Variants in CDH12 observed in about 807,000 individuals in gnomAD.
CDH12 encodes cadherin-12.
Under a neutral mutation model 74.1 loss-of-function variants are expected in CDH12, and 41 were observed. The observed-to-expected ratio is 0.55, with a 90% CI of 0.43 to 0.72. The LOEUF (loss-of-function observed/expected upper bound fraction) is 0.72, where lower values mean the gene tolerates loss of function less well. CDH12 is among the 30% of genes least tolerant of loss of function. The probability of loss-of-function intolerance (pLI) is 0.00; values close to 1 mark genes in which losing one functional copy is unlikely to be tolerated. For missense variants in CDH12, 945 were observed against 977.2 expected (o/e 0.97, Z 0.44); for synonymous variants, 399 against 355.0 (o/e 1.12, Z -1.39).
At chr5:21,991,916 CATAAAT>C (rs1318353327) in intron 5 of CDH12, among the ~76,000 whole-genome samples, 1 of 151,938 alleles carries the variant, frequency 6.6e-6, no homozygotes, top group Non-Finnish European at 1.5e-5. Flanking sequence ...GTAATAGTAT[CATAAAT>C]ATTATCTTAT....
At chr5:22,405,384 T>C (rs1742899180) in intron 2 of CDH12, 33 bp from the exon 3 acceptor site, 1 of 515,056 alleles carries the variant, frequency 1.9e-6, no homozygotes. Flanking sequence ...GCTTTAAGAA[T>C]ATGCAAGACT....
At chr5:22,299,255 G>A (rs900240197) in intron 3 of CDH12, among the ~76,000 whole-genome samples, 1 of 152,056 alleles carries the variant, frequency 6.6e-6, no homozygotes, top group Non-Finnish European at 1.5e-5. Context: ...GATGGGGTGG[G>A]GTTGGAGAGA....
At chr5:22,563,008 A>T (rs1402202995) in intron 1 of CDH12, among the ~76,000 whole-genome samples, 1 of 147,150 alleles carries the variant, frequency 6.8e-6, no homozygotes, top group African/African-American at 2.5e-5. Flanking sequence ...ATATGCAAAT[A>T]TATATTTCTA....
intron 3 of CDH12, among the ~76,000 whole-genome samples, chr5:22,245,278 C>T (rs897672290): frequency 6.6e-6 from 1 of 151,998 alleles, no homozygotes; most frequent in Non-Finnish European, 1.5e-5. Context: ...TTTGGGAGAA[C>T]ATTTTTCAAA....
rs146713368 is a variant in CDH12, at chr5:22,580,778, C to T, written c.-522-75414G>A. The stretch of plus-strand genomic sequence containing the variant: ...TTATTGGATAGCATCCTCTCCATTT[C>T]GAGGTTGTTTTCTCCCATTAACAAC... On this transcript the variant is annotated intron_variant, in intron 1 of 14. Transcript: ENST00000382254. The T allele has an allele frequency of 2.6e-3, 679 of 257,092 alleles. 3 individuals are homozygous for T. The highest frequency in any genetic ancestry group is 4.1e-3 in the Non-Finnish European group (511 of 125,288). The allele number at this position is 257,092 out of a possible 1,614,324, so 15.9% of individuals were successfully genotyped here.
intron 8 of CDH12, among the ~76,000 whole-genome samples, chr5:21,824,209 T>G (rs1277508009): frequency 6.6e-6 from 1 of 151,960 alleles, no homozygotes; most frequent in Non-Finnish European, 1.5e-5. Context: ...AATTTTTAAT[T>G]TTTTTTTCAT....
chr5:22,752,242 A>AT (rs1304669196), intron 1 of CDH12, among the ~76,000 whole-genome samples: 5 of 152,252 alleles, frequency 3.3e-5, no homozygotes, highest in African/African-American at 1.2e-4. Context: ...ACCCACAGAG[A>AT]TTTTTTAAAA....
intron 3 of CDH12, among the ~76,000 whole-genome samples, chr5:22,267,583 G>C (rs1437243432): frequency 6.6e-6 from 1 of 152,102 alleles, no homozygotes; most frequent in Non-Finnish European, 1.5e-5. Context: ...CTTCTGGAAA[G>C]TCCATGAACT....
intron 5 of CDH12, among the ~76,000 whole-genome samples, chr5:22,004,350 A>G (rs1736808014): frequency 6.6e-6 from 1 of 152,212 alleles, no homozygotes; most frequent in South Asian, 2.1e-4. Context: ...TGAGGGGACT[A>G]GTGTACATTG....
At chr5:22,336,070 A>T (rs1739568297) in intron 3 of CDH12, among the ~76,000 whole-genome samples, 1 of 152,166 alleles carries the variant, frequency 6.6e-6, no homozygotes, top group Non-Finnish European at 1.5e-5. Flanking sequence ...GAACTGGAGC[A>T]AAGGTGACTC....
At position 21,765,230 on chromosome 5, in the gene CDH12, T is replaced by A. The variant is rs1579659109; in HGVS notation, c.1394-131A>T. The A allele has an allele frequency of 7.7e-6, 5 of 652,964 alleles. No homozygotes were observed. The East Asian group carries it at 1.6e-4, about 22-fold the overall frequency. The allele number at this position is 652,964 out of a possible 1,614,324, so 40.4% of individuals were successfully genotyped here. A position where few individuals can be genotyped will look rare whatever the true frequency, so the allele number is the denominator to read the frequency against. ...GAAAAAAAATCCTTCTTATAGGAAA[T>A]CCTGGGGGTTCCAACTACAAGATGA... On this transcript the variant is annotated intron_variant, in intron 11 of 14. Coordinates refer to ENST00000382254, the MANE Select transcript of CDH12 (RefSeq NM_004061.5).
intron 1 of CDH12, among the ~76,000 whole-genome samples, chr5:22,790,903 CTAT>C (rs1747874067): frequency 6.6e-6 from 1 of 152,058 alleles, no homozygotes; most frequent in Non-Finnish European, 1.5e-5. Context: ...AAACCACTTT[CTAT>C]TGAAAAGACA....
intron 1 of CDH12, among the ~76,000 whole-genome samples, chr5:22,799,553 GTGA>G (rs2126412144): frequency 6.6e-6 from 1 of 152,256 alleles, no homozygotes; most frequent in South Asian, 2.1e-4. Flanking sequence ...TTTTCAGCCA[GTGA>G]TGATATTTCA....
At chr5:22,831,357 GTGTGTGTGTGTGTC>G (rs896140350) in intron 1 of CDH12, among the ~76,000 whole-genome samples, 14 of 136,128 alleles carry the variant, frequency 1.0e-4, no homozygotes, top group South Asian at 5.2e-4. Context: ...GAGTTTGTGT[GTGTGTGTGTGTGTC>G]TGTGTGTGTG....
At chr5:22,144,037 A>C (rs1235611629) in intron 4 of CDH12, 6 of 152,102 alleles carry the variant, frequency 3.9e-5, no homozygotes, top group Admixed American at 3.9e-4. Flanking sequence ...CTGATTATTC[A>C]TTCTGTTATA....
chr5:22,730,140 A>G (rs1391863763), intron 1 of CDH12, among the ~76,000 whole-genome samples: 2 of 151,814 alleles, frequency 1.3e-5, no homozygotes, highest in African/African-American at 4.8e-5. Context: ...TCTGATATCA[A>G]TTCTGCCAGT....
chr5:22,008,560 A>G lies in CDH12; in HGVS notation c.232-33175T>C, dbSNP rs772867137. Among the ~76,000 whole-genome samples the G allele has an allele frequency of 3.3e-4, 50 of 152,114 alleles. 1 individual carries two copies. The highest frequency in any genetic ancestry group is 6.5e-4 in the Non-Finnish European group (44 of 68,010). ...CTCCTTAAGTTGTATTTTTATTATG[A>G]AGACCCTCAAGTTTCACAGCCACTT... On this transcript the variant is annotated intron_variant, in intron 5 of 14. Transcript: ENST00000382254.
chr5:22,138,843 G>GT (rs1226267502), intron 4 of CDH12, among the ~76,000 whole-genome samples: 3,053 of 43,548 alleles, frequency 0.07, 111 homozygotes, highest in Middle Eastern at 0.14. Context: ...ACATATATAC[G>GT]TAATATATAT....
chr5:22,498,901 C>CTTTTTTTTT (rs34550762), intron 2 of CDH12, among the ~76,000 whole-genome samples: 9 of 73,412 alleles, frequency 1.2e-4, no homozygotes, highest in Middle Eastern at 9.4e-3. Context: ...TTTTCTGTTT[C>CTTTTTTTTT]TTTTTTTTTT....
Sources: allele counts gnomAD v4.1 joint callset (sites outside exome capture counted in the v4.1 genomes callset), GRCh38; gene constraint gnomAD v4.1.1; transcripts MANE v1.5; gene names NCBI Gene and HGNC (gene_info 2026-07-23, HGNC 2026-07-21).